GTF2IRD1: variants seen among roughly 807,000 people sequenced by gnomAD.
GTF2IRD1 encodes GTF2I repeat domain containing 1.
Under a neutral mutation model 113.2 loss-of-function variants are expected in GTF2IRD1, and 26 were observed. The ratio of observed to expected loss-of-function variants is 0.23; its 90% confidence interval spans 0.17 to 0.32. The LOEUF is 0.32. GTF2IRD1 is among the 10% of genes least tolerant of loss of function. GTF2IRD1 has a pLI of 1.00. For missense variants in GTF2IRD1, 864 were observed against 1,280.8 expected, an observed-to-expected ratio of 0.67 and a Z score of 4.97; for synonymous variants, 484 against 529.1, an observed-to-expected ratio of 0.91 and a Z score of 1.17.
rs147618829 is a variant in GTF2IRD1, at chr7:74,519,006, G to T, written c.606-403G>T. 3.2e-3 allele frequency among the ~76,000 whole-genome samples: 481 copies of T among 152,342 alleles called. 1 individual carries two copies. The highest frequency in any genetic ancestry group is 0.01 in the Middle Eastern group (3 of 294). The stretch of plus-strand genomic sequence containing the variant: ...AGGGGAGATTAGGTTGTTGAGGCTG[G>T]TCTGAGGCAGTACCAGTTGTCAGGA... On this transcript the variant is annotated intron_variant, in intron 5 of 26. Transcript: ENST00000424337.
chr7:74,454,340 T>G (rs1390563894), intron 1 of GTF2IRD1, among the ~76,000 whole-genome samples, 164 bp downstream of exon 1: 1 of 139,164 alleles, frequency 7.2e-6, no homozygotes, highest in Non-Finnish European at 1.5e-5. Context: ...GGGAGGCACG[T>G]GACTGGGATT....
intron 17 of GTF2IRD1, among the ~76,000 whole-genome samples, chr7:74,551,505 G>A (rs1799304987): frequency 6.6e-6 from 1 of 152,316 alleles, no homozygotes; most frequent in African/African-American, 2.4e-5. Flanking sequence ...AAATCAAAAT[G>A]TCATGTCAGG....
chr7:74,492,814 C>T (rs142592717), intron 1 of GTF2IRD1, among the ~76,000 whole-genome samples: 1 of 152,134 alleles, frequency 6.6e-6, no homozygotes, highest in African/African-American at 2.4e-5. Context: ...CTGGGGGCTG[C>T]CAGCACTCCT....
At chr7:74,480,889 C>A (rs1382621440) in intron 1 of GTF2IRD1, among the ~76,000 whole-genome samples, 1 of 152,118 alleles carries the variant, frequency 6.6e-6, no homozygotes, top group Non-Finnish European at 1.5e-5. Context: ...ATCCCGTCCT[C>A]CACGTGGAGG....
chr7:74,490,092 G>A (rs548562938), intron 1 of GTF2IRD1, among the ~76,000 whole-genome samples: 2 of 151,720 alleles, frequency 1.3e-5, no homozygotes, highest in Non-Finnish European at 2.9e-5. Context: ...TCAGCACCCC[G>A]AGTAGCTGGG....
intron 1 of GTF2IRD1, among the ~76,000 whole-genome samples, chr7:74,496,108 GTGTA>G (rs1221312132): frequency 6.6e-6 from 1 of 152,050 alleles, no homozygotes; most frequent in African/African-American, 2.4e-5. Context: ...GTGCATATGT[GTGTA>G]TGCATGTGTG....
chr7:74,523,684 G>A (rs1797421905), intron 7 of GTF2IRD1, among the ~76,000 whole-genome samples: 1 of 151,992 alleles, frequency 6.6e-6, no homozygotes, highest in Non-Finnish European at 1.5e-5. Flanking sequence ...CCACGCCACT[G>A]CACTCCAGCC....
chr7:74,580,297 T>C (rs1384739596), intron 22 of GTF2IRD1, among the ~76,000 whole-genome samples: 1 of 152,118 alleles, frequency 6.6e-6, no homozygotes, highest in African/African-American at 2.4e-5. Flanking sequence ...GAAGGACCAT[T>C]ATCCCACGCT....
rs913248631 is a variant in GTF2IRD1 at position 74,601,555 on chromosome 7, C to T, written c.2766+375C>T. The T allele has an allele frequency of 5.7e-5, 67 of 1,172,576 alleles. No individual in the cohort carries two copies. In the South Asian group the frequency reaches 9.8e-4, roughly 17 times the overall value. The allele number at this position is 1,172,576 out of a possible 1,614,324, so 72.6% of individuals were successfully genotyped here. A position where few individuals can be genotyped will look rare whatever the true frequency, so the allele number is the denominator to read the frequency against. On this transcript the variant is annotated intron_variant, in intron 26 of 26. Coordinates refer to ENST00000424337, the MANE Select transcript of GTF2IRD1 (RefSeq NM_005685.4). ...TGGCAGGTCAAGTCGGGTGGATCAC[C>T]TGAGGTCAGGAGTTTGAGACCAGGC...
intron 22 of GTF2IRD1, among the ~76,000 whole-genome samples, chr7:74,574,150 A>ATTTTTTTTTTTTTTTTTTTT (rs71094796): frequency 1.1e-4 from 12 of 104,826 alleles, no homozygotes; most frequent in Non-Finnish European, 1.5e-4. Context: ...CACCAAGCTA[A>ATTTTTTTTTTTTTTTTTTTT]TTTTTTTTTT....
intron 2 of GTF2IRD1, 109 bp downstream of exon 2, chr7:74,508,312 C>G (rs1436974134): frequency 2.5e-6 from 3 of 1,181,450 alleles, no homozygotes; most frequent in Non-Finnish European, 3.6e-6. Context: ...TGACCTGAAC[C>G]TCAGTTTATC....
intron 6 of GTF2IRD1, 111 bp from the exon 7 acceptor site, chr7:74,521,097 C>T (rs868914736): frequency 1.1e-5 from 7 of 650,948 alleles, no homozygotes; most frequent in South Asian, 8.8e-5. Context: ...TATTGGATGT[C>T]CCTGGCAGAT....
chr7:74,484,830 G>A (rs1174266919), intron 1 of GTF2IRD1, among the ~76,000 whole-genome samples: 7 of 152,030 alleles, frequency 4.6e-5, no homozygotes, highest in African/African-American at 9.7e-5. Context: ...ATTCATCATC[G>A]GACGCTGGGA....
chr7:74,598,381 G>C (rs782145462), intron 25 of GTF2IRD1, among the ~76,000 whole-genome samples: 1 of 151,812 alleles, frequency 6.6e-6, no homozygotes, highest in South Asian at 2.1e-4. Flanking sequence ...CAGGGAGGCA[G>C]GTGGATCACC....
chr7:74,488,440 G>A (rs1795143223), intron 1 of GTF2IRD1, among the ~76,000 whole-genome samples: 1 of 152,222 alleles, frequency 6.6e-6, no homozygotes, highest in African/African-American at 2.4e-5. Context: ...ACTGACTTAA[G>A]TAGGATGTTT....
chr7:74,537,608 A>G (rs375522003), intron 11 of GTF2IRD1, among the ~76,000 whole-genome samples: 7 of 152,062 alleles, frequency 4.6e-5, no homozygotes, highest in Non-Finnish European at 7.4e-5. Flanking sequence ...CCCCAAGCAC[A>G]TTCTGACCTC....
intron 1 of GTF2IRD1, among the ~76,000 whole-genome samples, chr7:74,498,971 C>G (rs1554338750): frequency 6.6e-6 from 1 of 152,204 alleles, no homozygotes; most frequent in Admixed American, 6.5e-5. Context: ...CTCAAGTGAT[C>G]CTCCCACCTC....
At chr7:74,540,915 C>T (rs1228743563) in intron 14 of GTF2IRD1, among the ~76,000 whole-genome samples, 1 of 151,966 alleles carries the variant, frequency 6.6e-6, no homozygotes, top group East Asian at 2.0e-4. Context: ...GCGCCCGCCA[C>T]CACGCCTGGT....
intron 25 of GTF2IRD1, among the ~76,000 whole-genome samples, chr7:74,597,326 G>A (rs1245636331): frequency 6.7e-6 from 1 of 149,796 alleles, no homozygotes; most frequent in African/African-American, 2.5e-5. Flanking sequence ...ACAGGCGTAA[G>A]CCACTGCTAC....
Sources: allele counts gnomAD v4.1 joint callset (sites outside exome capture counted in the v4.1 genomes callset), GRCh38; gene constraint gnomAD v4.1.1; transcripts MANE v1.5; gene names NCBI Gene and HGNC (gene_info 2026-07-23, HGNC 2026-07-21).